PCDH7: variants seen among roughly 807,000 people sequenced by gnomAD.
PCDH7 encodes the protein protocadherin-7.
In PCDH7, 17 loss-of-function variants were observed where a neutral mutation model predicts 58.9. The ratio of observed to expected loss-of-function variants is 0.29; its 90% CI spans 0.20 to 0.43. The LOEUF (loss-of-function observed/expected upper bound fraction) is 0.43, where lower values mean the gene tolerates loss of function less well. PCDH7 is among the 20% of genes least tolerant of loss of function. PCDH7 has a pLI of 1.00. For synonymous variants in PCDH7, 664 were observed against 616.4 expected, an observed-to-expected ratio of 1.08 and a Z score of -1.14; for missense variants, 1,274 against 1,441.0, an observed-to-expected ratio of 0.88 and a Z score of 1.88.
At chr4:30,864,432 A>AAC (rs5857208) in intron 1 of PCDH7, among the ~76,000 whole-genome samples, 11,088 of 146,600 alleles carry the variant, frequency 0.076, 481 homozygotes, top group Middle Eastern at 0.1. Context: ...ATTATTGGAG[A>AAC]ACACACACAC....
intron 3 of PCDH7, among the ~76,000 whole-genome samples, chr4:31,093,986 T>C (rs1713611809): frequency 6.6e-6 from 1 of 152,276 alleles, no homozygotes; most frequent in African/African-American, 2.4e-5. Flanking sequence ...ATGGTGGACA[T>C]GTTTTTGGAA....
At chr4:31,137,351 G>A (rs752413096) in intron 3 of PCDH7, among the ~76,000 whole-genome samples, 21 of 152,238 alleles carry the variant, frequency 1.4e-4, no homozygotes, top group Non-Finnish European at 2.9e-4. Flanking sequence ...GGCAGGCTGA[G>A]GAGGGCAGAT....
At chr4:31,046,317 G>T (rs10020646) in intron 3 of PCDH7, among the ~76,000 whole-genome samples, 4,169 of 151,992 alleles carry the variant, frequency 0.027, 191 homozygotes, top group African/African-American at 0.095. Flanking sequence ...TCTGGAGTCA[G>T]ATTTCTTGGG....
chr4:31,134,742 C>A (rs961180401), intron 3 of PCDH7, among the ~76,000 whole-genome samples: 1 of 152,164 alleles, frequency 6.6e-6, no homozygotes, highest in African/African-American at 2.4e-5. Context: ...CTGCATTCAC[C>A]TGGAGAACTG....
chr4:31,050,339 G>A (rs1756632900), intron 3 of PCDH7, among the ~76,000 whole-genome samples: 1 of 152,016 alleles, frequency 6.6e-6, no homozygotes, highest in South Asian at 2.1e-4. Context: ...ATTATTATTT[G>A]TTATACTGAC....
intron 1 of PCDH7, among the ~76,000 whole-genome samples, chr4:30,807,599 C>G (rs1267561817): frequency 6.6e-6 from 1 of 152,150 alleles, no homozygotes; most frequent in Non-Finnish European, 1.5e-5. Context: ...AATCTCTACT[C>G]TTTATAATCA....
At chr4:30,838,540 C>T (rs1730800800) in intron 1 of PCDH7, among the ~76,000 whole-genome samples, 2 of 152,198 alleles carry the variant, frequency 1.3e-5, no homozygotes, top group African/African-American at 2.4e-5. Context: ...TGCATTAAGC[C>T]ACGTGGAAGT....
intron 1 of PCDH7, among the ~76,000 whole-genome samples, chr4:30,834,974 G>A (rs1730290928): frequency 6.6e-6 from 1 of 151,544 alleles, no homozygotes; most frequent in Admixed American, 6.6e-5. Flanking sequence ...TGCTATAAAT[G>A]TAAATACATG....
intron 3 of PCDH7, among the ~76,000 whole-genome samples, chr4:31,031,564 C>T (rs1338812104): frequency 1.3e-5 from 2 of 152,086 alleles, no homozygotes; most frequent in Non-Finnish European, 2.9e-5. Context: ...ATGTTGATGT[C>T]AGATTAAAGA....
intron 3 of PCDH7, among the ~76,000 whole-genome samples, chr4:31,127,149 A>G (rs887748965): frequency 6.6e-6 from 1 of 152,204 alleles, no homozygotes; most frequent in African/African-American, 2.4e-5. Context: ...ATAGTTGATC[A>G]TCACTGTCTG....
At chr4:30,766,875 C>T (rs750061576) in intron 1 of PCDH7, among the ~76,000 whole-genome samples, 29 of 152,080 alleles carry the variant, frequency 1.9e-4, no homozygotes, top group Non-Finnish European at 3.7e-4. Context: ...GAATTAATCA[C>T]TGTATTTTTT....
At chr4:30,865,325 G>A (rs1172504279) in intron 1 of PCDH7, among the ~76,000 whole-genome samples, 1 of 152,038 alleles carries the variant, frequency 6.6e-6, no homozygotes, top group Admixed American at 6.6e-5. Context: ...GTTCAGGAGA[G>A]TGATCGATAT....
intron 3 of PCDH7, among the ~76,000 whole-genome samples, chr4:30,961,262 A>C (rs1346755164): frequency 6.6e-6 from 1 of 151,916 alleles, no homozygotes; most frequent in Non-Finnish European, 1.5e-5. Context: ...AAACCTTGGC[A>C]CGCCGGGCAC....
At chr4:30,857,503 A>G (rs1733624388) in intron 1 of PCDH7, among the ~76,000 whole-genome samples, 2 of 152,096 alleles carry the variant, frequency 1.3e-5, no homozygotes, top group African/African-American at 4.8e-5. Context: ...TGCAAATCTT[A>G]CAAGACTTTT....
At chr4:30,777,259 A>C (rs567521968) in intron 1 of PCDH7, among the ~76,000 whole-genome samples, 1 of 152,174 alleles carries the variant, frequency 6.6e-6, no homozygotes, top group Non-Finnish European at 1.5e-5. Flanking sequence ...CTGAAACCTT[A>C]CAAACTTTCA....
intron 1 of PCDH7, among the ~76,000 whole-genome samples, chr4:30,809,568 G>T (rs1488191054): frequency 6.6e-6 from 1 of 152,192 alleles, no homozygotes; most frequent in Non-Finnish European, 1.5e-5. Flanking sequence ...CTGTGATCAT[G>T]CAGGTTTCTG....
intron 1 of PCDH7, among the ~76,000 whole-genome samples, chr4:30,829,198 G>C (rs745595643): frequency 6.6e-6 from 1 of 152,036 alleles, no homozygotes; most frequent in Non-Finnish European, 1.5e-5. Flanking sequence ...CTGAGAGAGA[G>C]AGAGGACTCT....
At chr4:30,724,028 C>T in exon 1 of PCDH7, 8 of 1,614,104 alleles carry the variant, frequency 5.0e-6, no homozygotes, top group South Asian at 1.1e-5. Context: ...GCTGGTGACC[C>T]AAGCTATGAA....
chr4:31,092,185 C>T (rs1016900410), intron 3 of PCDH7, among the ~76,000 whole-genome samples: 11 of 151,836 alleles, frequency 7.2e-5, no homozygotes, highest in African/African-American at 1.7e-4. Flanking sequence ...CTAAAATGTA[C>T]GTATTTCTAT....
Sources: allele counts gnomAD v4.1 joint callset (sites outside exome capture counted in the v4.1 genomes callset), GRCh38; gene constraint gnomAD v4.1.1; transcripts MANE v1.5; gene names NCBI Gene and HGNC (gene_info 2026-07-23, HGNC 2026-07-21).